Variants in ZNF566 observed in about 807,000 individuals in gnomAD.
ZNF566 encodes the protein zinc finger protein 566.
In ZNF566, 27 loss-of-function variants were observed where a neutral mutation model predicts 32.8. The ratio of observed to expected loss-of-function variants is 0.82; its 90% CI spans 0.61 to 1.14. ZNF566 has a LOEUF of 1.14. ZNF566 is among the 50% of genes most tolerant of loss of function. The pLI is 0.00. For synonymous variants in ZNF566, 154 were observed against 159.5 expected (o/e 0.97, Z 0.26); for missense variants, 402 against 490.4 (o/e 0.82, Z 1.70).
At position 36,447,182 on chromosome 19, in the gene ZNF566, A is replaced by C. The variant is rs2033015673; in HGVS notation, c.*1795T>G. The C allele has an allele frequency of 6.6e-6, 1 of 152,062 alleles. No individual in the cohort carries two copies. Among genetic ancestry groups the C allele is most frequent in the South Asian group, 2.1e-4 (1 of 4,828 alleles). The allele number at this position is 152,062 out of a possible 1,614,324, so 9.4% of individuals were successfully genotyped here. ...AGGCATGTGCCACCATGCCTGGCTA[A>C]GTTTTGTATTTTTGAGTAAAAATGG... On this transcript the variant is annotated 3_prime_UTR_variant, in exon 5 of 5. Transcript: ENST00000452939.
In ZNF566 at chr19:36,468,553, C is replaced by T. The variant is rs1415831231; in HGVS notation, c.232+4358G>A. ...TCTTGGAGGCAGAAGTTGCAGTGAA[C>T]CCAGATCACGCCATTTCACTCCAGC... On this transcript the variant is annotated intron_variant, in intron 4 of 4. Transcript: ENST00000452939. Among the ~76,000 whole-genome samples the T allele has an allele frequency of 2.6e-5, 4 of 151,690 alleles. 1 individual carries two copies. The highest frequency in any genetic ancestry group is 9.8e-5 in the African/African-American group (4 of 41,020).
intron 1 of ZNF566, among the ~76,000 whole-genome samples, chr19:36,484,358 A>G (rs1248695904): frequency 6.6e-6 from 1 of 152,180 alleles, no homozygotes; most frequent in Non-Finnish European, 1.5e-5. Flanking sequence ...CAAATATAGA[A>G]GTACAAAGTC....
intron 1 of ZNF566, among the ~76,000 whole-genome samples, chr19:36,477,514 T>C (rs2033917975): frequency 6.8e-6 from 1 of 147,882 alleles, no homozygotes; most frequent in Non-Finnish European, 1.5e-5. Context: ...GTCAAACCAG[T>C]TTTCTGTTTC....
chr19:36,486,549 T>TA (rs2034165317), intron 1 of ZNF566, among the ~76,000 whole-genome samples: 1 of 151,988 alleles, frequency 6.6e-6, no homozygotes, highest in African/African-American at 2.4e-5. Context: ...CGCAAGCCTG[T>TA]AATCCTGGCT....
At chr19:36,485,691 G>A (rs908679452) in intron 1 of ZNF566, among the ~76,000 whole-genome samples, 4 of 151,742 alleles carry the variant, frequency 2.6e-5, no homozygotes, top group African/African-American at 9.7e-5. Flanking sequence ...GAACCCAGGA[G>A]GCAGAGGCTG....
intron 4 of ZNF566, among the ~76,000 whole-genome samples, chr19:36,462,956 C>CAAAAAAAAAAAAAAAAAAAAAAAA (rs755283751): frequency 2.6e-5 from 1 of 38,558 alleles, no homozygotes; most frequent in Admixed American, 5.0e-4. Context: ...GACTCTGTCT[C>CAAAAAAAAAAAAAAAAAAAAAAAA]AAAAAAAAAA....
At position 36,447,577 on chromosome 19, in the gene ZNF566, T is replaced by G. The variant is rs2033026472; in HGVS notation, c.*1400A>C. The G allele has an allele frequency of 6.6e-6, 1 of 152,212 alleles. No individual in the cohort carries two copies. The highest frequency in any genetic ancestry group is 6.6e-5 in the Admixed American group (1 of 15,266). The allele number at this position is 152,212 out of a possible 1,614,324, so 9.4% of individuals were successfully genotyped here. On this transcript the variant is annotated 3_prime_UTR_variant, in exon 5 of 5. Coordinates refer to ENST00000452939, the MANE Select transcript of ZNF566 (RefSeq NM_001145344.1). ...ACAGAACCTTTTAAATCTGTAACTA[T>G]GTTTCTATCTCTGTCCATTTTTTAA... is the stretch of plus-strand genomic sequence containing the variant.
At chr19:36,480,042 T>C (rs1319439993) in intron 1 of ZNF566, among the ~76,000 whole-genome samples, 2 of 151,966 alleles carry the variant, frequency 1.3e-5, no homozygotes, top group East Asian at 3.9e-4. Context: ...AGCAAGGCTT[T>C]GGGGGGAATA....
intron 4 of ZNF566, among the ~76,000 whole-genome samples, chr19:36,463,100 T>C (rs1040254800): frequency 1.3e-5 from 2 of 151,490 alleles, no homozygotes; most frequent in Non-Finnish European, 2.9e-5. Flanking sequence ...GCCCAGGAGT[T>C]CAAAATCAGC....
chr19:36,465,753 G>A (rs2033597265), intron 4 of ZNF566, among the ~76,000 whole-genome samples: 1 of 151,952 alleles, frequency 6.6e-6, no homozygotes, highest in Non-Finnish European at 1.5e-5. Flanking sequence ...GATTACAGGT[G>A]TTAGCCACCA....
chr19:36,477,526 G>GTTTGTT (rs2033919691), intron 1 of ZNF566, among the ~76,000 whole-genome samples: 2 of 107,002 alleles, frequency 1.9e-5, no homozygotes, highest in Non-Finnish European at 3.9e-5. Context: ...TTCTGTTTCT[G>GTTTGTT]TTTTTTTTTT....
chr19:36,471,487 C>T (rs1034327885), intron 4 of ZNF566, among the ~76,000 whole-genome samples: 4 of 152,102 alleles, frequency 2.6e-5, no homozygotes, highest in Non-Finnish European at 4.4e-5. Context: ...CTGCATTCCT[C>T]CATCTGGAGT....
chr19:36,451,177 T>C (rs1231240764), intron 4 of ZNF566, among the ~76,000 whole-genome samples: 9 of 152,148 alleles, frequency 5.9e-5, no homozygotes, highest in Non-Finnish European at 1.3e-4. Context: ...CACTGAATGT[T>C]CTCTTGGATA....
At chr19:36,453,841 T>C (rs1291153394) in intron 4 of ZNF566, among the ~76,000 whole-genome samples, 1 of 151,824 alleles carries the variant, frequency 6.6e-6, no homozygotes, top group East Asian at 1.9e-4. Flanking sequence ...AATCTTTTTT[T>C]GAGACAGATT....
chr19:36,485,091 T>C (rs1203269117), intron 1 of ZNF566, among the ~76,000 whole-genome samples: 1 of 151,970 alleles, frequency 6.6e-6, no homozygotes, highest in Non-Finnish European at 1.5e-5. Context: ...TCTGTGATCT[T>C]CTTGCCAAAA....
chr19:36,472,785 A>C, intron 4 of ZNF566, 126 bp downstream of exon 4: 1 of 690,224 alleles, frequency 1.4e-6, no homozygotes, highest in East Asian at 2.6e-5. Flanking sequence ...TTGAAAGCTC[A>C]TGTAGAAAAG....
chr19:36,450,163 A>T (rs1045974310), intron 4 of ZNF566, among the ~76,000 whole-genome samples, 162 bp from the exon 5 acceptor site: 3 of 152,220 alleles, frequency 2.0e-5, no homozygotes, highest in African/African-American at 7.2e-5. Context: ...AGTGATTAGG[A>T]AAACAAAGTA....
intron 4 of ZNF566, among the ~76,000 whole-genome samples, chr19:36,451,768 GGGGCCGAGGC>G (rs2033163391): frequency 6.6e-6 from 1 of 152,156 alleles, no homozygotes; most frequent in Non-Finnish European, 1.5e-5. Flanking sequence ...AGCACTCTGC[GGGGCCGAGGC>G]GGGCCGATCA....
chr19:36,452,704 A>G (rs1005792699), intron 4 of ZNF566, among the ~76,000 whole-genome samples: 3 of 152,072 alleles, frequency 2.0e-5, no homozygotes, highest in Admixed American at 6.6e-5. Context: ...TCAAGTAGAA[A>G]GAAAAGGACA....
Sources: allele counts gnomAD v4.1 joint callset (sites outside exome capture counted in the v4.1 genomes callset), GRCh38; gene constraint gnomAD v4.1.1; transcripts MANE v1.5; gene names NCBI Gene and HGNC (gene_info 2026-07-23, HGNC 2026-07-21).